The following SAMMSON variants were observed in gnomAD, a reference collection of about 807,000 sequenced individuals.
The protein encoded by SAMMSON is long intergenic non-protein coding RNA 1212.
chr3:70,409,115 G>C (rs1435295878), intron 2 of SAMMSON, among the ~76,000 whole-genome samples: 1 of 152,108 alleles, frequency 6.6e-6, no homozygotes, highest in Admixed American at 6.5e-5. Flanking sequence ...CGTAACACAT[G>C]GGAATTATAG....
intron 7 of SAMMSON, among the ~76,000 whole-genome samples, chr3:70,343,318 G>T (rs527963713): frequency 4.6e-5 from 7 of 150,758 alleles, no homozygotes; most frequent in African/African-American, 1.7e-4. Flanking sequence ...GTTCTTTTTC[G>T]GTTCCAGGAT....
chr3:70,316,841 A>T lies in SAMMSON; in HGVS notation n.739+25598A>T, dbSNP rs958919034. 2.6e-5 allele frequency among the ~76,000 whole-genome samples: 4 copies of T among 152,098 alleles called. No individual in the cohort carries two copies. The South Asian group carries it at 6.2e-4, about 24-fold the overall frequency. The stretch of plus-strand genomic sequence containing the variant: ...AATAACACTCAGTGTTACAAAATGC[A>T]TTAAATTTTATCTTTGTTTCATGCC... On this transcript the variant is annotated intron_variant and non_coding_transcript_variant, in intron 7 of 9. Transcript: ENST00000642114.
At chr3:70,216,213 A>G (rs949023359) in intron 4 of SAMMSON, among the ~76,000 whole-genome samples, 4 of 150,556 alleles carry the variant, frequency 2.7e-5, no homozygotes, top group South Asian at 4.2e-4. Flanking sequence ...ATTCTACTTT[A>G]TATATAAATC....
chr3:70,186,200 A>T (rs1175262019), intron 4 of SAMMSON, among the ~76,000 whole-genome samples: 1 of 152,138 alleles, frequency 6.6e-6, no homozygotes, highest in Admixed American at 6.5e-5. Context: ...AAATGACCAT[A>T]TAGTCATTCA....
chr3:70,208,521 G>C (rs1391357864), intron 4 of SAMMSON, among the ~76,000 whole-genome samples: 1 of 152,020 alleles, frequency 6.6e-6, no homozygotes, highest in Admixed American at 6.6e-5. Context: ...TTAAAGCTCT[G>C]GTATTCCCCT....
At chr3:70,212,386 C>A (rs1365230493) in intron 4 of SAMMSON, among the ~76,000 whole-genome samples, 6 of 152,134 alleles carry the variant, frequency 3.9e-5, no homozygotes, top group Admixed American at 3.9e-4. Context: ...CTGGCTATCC[C>A]TGGAGAATTC....
At chr3:70,206,716 A>G in intron 4 of SAMMSON, 1 of 397,840 alleles carries the variant, frequency 2.5e-6, no homozygotes, top group Non-Finnish European at 4.4e-6. Context: ...GTGATATTGA[A>G]GTCAGATACT....
intron 6 of SAMMSON, among the ~76,000 whole-genome samples, chr3:70,271,097 G>A (rs1465318462): frequency 6.6e-6 from 1 of 152,088 alleles, no homozygotes; most frequent in Non-Finnish European, 1.5e-5. Context: ...ATTTATCGAA[G>A]CTGGGAAGTT....
chr3:70,190,055 A>G (rs1701119624), intron 4 of SAMMSON, among the ~76,000 whole-genome samples: 1 of 152,212 alleles, frequency 6.6e-6, no homozygotes, highest in Non-Finnish European at 1.5e-5. Flanking sequence ...GTAGCTAAAA[A>G]TATACCTTGA....
In SAMMSON at chr3:70,238,629, C is replaced by T. The variant is rs185357838; in HGVS notation, n.508-10478C>T. 2.5e-3 allele frequency among the ~76,000 whole-genome samples: 379 copies of T among 151,876 alleles called. 1 individual carries two copies. The highest frequency in any genetic ancestry group is 5.0e-3 in the Non-Finnish European group (338 of 67,928). The stretch of plus-strand genomic sequence containing the variant: ...TGTCTCAAAAAAGAAAAAAAAAAGT[C>T]TCTCTGAGAATAAACCCCCAAAAGG... On this transcript the variant is annotated intron_variant and non_coding_transcript_variant, in intron 4 of 9. Transcript: ENST00000642114.
chr3:70,305,629 A>G (rs779514198), intron 7 of SAMMSON, among the ~76,000 whole-genome samples: 3 of 152,188 alleles, frequency 2.0e-5, no homozygotes, highest in Non-Finnish European at 4.4e-5. Flanking sequence ...TCTGCGTTCA[A>G]GAGGAGCCAC....
At chr3:70,224,489 A>C (rs1174444106) in intron 4 of SAMMSON, among the ~76,000 whole-genome samples, 3 of 152,202 alleles carry the variant, frequency 2.0e-5, no homozygotes, top group Non-Finnish European at 1.5e-5. Flanking sequence ...TGTTGGCAGC[A>C]CTTAATGAGT....
intron 6 of SAMMSON, among the ~76,000 whole-genome samples, chr3:70,261,249 A>C (rs1701863637): frequency 6.6e-6 from 1 of 152,196 alleles, no homozygotes; most frequent in African/African-American, 2.4e-5. Flanking sequence ...GGATTCTTAA[A>C]ATCAAAGCCA....
At position 70,385,668 on chromosome 3, in the gene SAMMSON, G is replaced by A. The variant is rs576059154; in HGVS notation, n.914-3906G>A. 3.3e-5 allele frequency among the ~76,000 whole-genome samples: 5 copies of A among 151,982 alleles called. No homozygotes were observed. In the South Asian group the frequency reaches 6.2e-4, roughly 19 times the overall value. On this transcript the variant is annotated intron_variant and non_coding_transcript_variant, in intron 9 of 9. Coordinates refer to ENST00000642114, the Ensembl canonical transcript of SAMMSON. ...GTCAATACTGAAGATTTTGACTAAC[G>A]GCATGACCTACTTGATGATGGATGT... is the stretch of plus-strand genomic sequence containing the variant.
chr3:70,349,927 A>G (rs569908474), intron 7 of SAMMSON, among the ~76,000 whole-genome samples: 1 of 152,314 alleles, frequency 6.6e-6, no homozygotes, highest in South Asian at 2.1e-4. Context: ...AATGTGAAGT[A>G]TGTTTTTTTT....
intron 7 of SAMMSON, among the ~76,000 whole-genome samples, chr3:70,345,388 C>T (rs1443646693): frequency 2.6e-5 from 4 of 152,134 alleles, no homozygotes; most frequent in Non-Finnish European, 4.4e-5. Flanking sequence ...AGATCAGAAC[C>T]TTTCTCTCCC....
intron 4 of SAMMSON, chr3:70,125,836 A>G (rs2067455818): frequency 3.0e-6 from 2 of 668,006 alleles, no homozygotes; most frequent in Non-Finnish European, 5.4e-6. Flanking sequence ...TGCTAGTTCC[A>G]TTAGTTTGTT....
chr3:70,060,113 A>C (rs1243624267), intron 3 of SAMMSON, among the ~76,000 whole-genome samples: 1 of 152,062 alleles, frequency 6.6e-6, no homozygotes, highest in African/African-American at 2.4e-5. Context: ...GAAAATTGGG[A>C]TTTGTTGAGA....
At chr3:70,153,132 A>G (rs1483423899) in intron 4 of SAMMSON, among the ~76,000 whole-genome samples, 1 of 151,974 alleles carries the variant, frequency 6.6e-6, no homozygotes, top group Non-Finnish European at 1.5e-5. Flanking sequence ...AAATGATCCC[A>G]AGGTGAGGGG....
Sources: allele counts gnomAD v4.1 joint callset (sites outside exome capture counted in the v4.1 genomes callset), GRCh38; gene constraint gnomAD v4.1.1; transcripts MANE v1.5; gene names NCBI Gene and HGNC (gene_info 2026-07-23, HGNC 2026-07-21).